The following TRMT11 variants were observed in gnomAD, a reference collection of about 807,000 sequenced individuals.
The protein encoded by TRMT11 is tRNA (guanine(10)-N(2))-methyltransferase TRMT11.
Under a neutral mutation model 62.8 loss-of-function variants are expected in TRMT11, and 53 were observed. That is an observed-to-expected ratio of 0.84 (90% confidence interval 0.68 to 1.06). The LOEUF (loss-of-function observed/expected upper bound fraction) is 1.06, where lower values mean the gene tolerates loss of function less well. TRMT11 is among the 50% of genes least tolerant of loss of function. The probability of loss-of-function intolerance (pLI) is 0.00; values close to 1 mark genes in which losing one functional copy is unlikely to be tolerated. For missense variants in TRMT11, 556 were observed against 553.4 expected (o/e 1.00, Z -0.05); for synonymous variants, 188 against 190.3 (o/e 0.99, Z 0.10).
chr6:125,986,635 C>T lies in TRMT11; in HGVS notation c.72+13C>T, dbSNP rs1450590280. On this transcript the variant is annotated intron_variant, in intron 1 of 12. Transcript: ENST00000334379. ...GTTCCGCCTGCCGGTGAGTCCGTAG[C>T]GCCCTCCGGAACTTCCGACGGAAGA... is the stretch of plus-strand genomic sequence containing the variant. The T allele has an allele frequency of 1.3e-6, 2 of 1,573,718 alleles. No homozygotes were observed. The highest frequency in any genetic ancestry group is 1.7e-6 in the Non-Finnish European group (2 of 1,161,012).
chr6:126,059,915 A>G (rs564918057), intron 17 of TRMT11, among the ~76,000 whole-genome samples: 1 of 152,310 alleles, frequency 6.6e-6, no homozygotes, highest in South Asian at 2.1e-4. Context: ...ATTCATTGGC[A>G]TGGAACTGCA....
downstream of TRMT11, among the ~76,000 whole-genome samples, chr6:126,202,611 C>T (rs1667058639): frequency 6.6e-6 from 1 of 152,002 alleles, no homozygotes. Context: ...CGCCTGATTT[C>T]TTTTAGTTTT....
At chr6:126,197,399 T>TA (rs1778678951) in intron 1 of TRMT11, among the ~76,000 whole-genome samples, 1 of 152,246 alleles carries the variant, frequency 6.6e-6, no homozygotes, top group South Asian at 2.1e-4. Context: ...TTCCATGTTT[T>TA]ATCCAGAGGC....
In TRMT11 at chr6:126,093,625, A is replaced by ATTTTTT. The variant is rs1483189635; in HGVS notation, c.*1438-19240_*1438-19239insTTTTTT. On this transcript the variant is annotated intron_variant and NMD_transcript_variant, in intron 17 of 22. Coordinates refer to the TRMT11 transcript ENST00000648977. ...TATATATATATATATATATATATAT[A>ATTTTTT]TATATATTTTCCCCCAGTCCTGGAG... 3.1e-4 allele frequency among the ~76,000 whole-genome samples: 32 copies of ATTTTTT among 103,516 alleles called. 3 individuals are homozygous for ATTTTTT. Among genetic ancestry groups the ATTTTTT allele is most frequent in the African/African-American group, 1.5e-3 (31 of 20,850 alleles). 67.9% of individuals were successfully genotyped at this position (103,516 alleles called of 152,430 possible).
intron 1 of TRMT11, among the ~76,000 whole-genome samples, chr6:126,182,090 G>T (rs1018598177): frequency 1.3e-5 from 2 of 152,110 alleles, no homozygotes; most frequent in Non-Finnish European, 2.9e-5. Flanking sequence ...TATAAAACAT[G>T]AAAGCTTTTA....
chr6:126,168,448 A>G (rs965724633), intron 21 of TRMT11, among the ~76,000 whole-genome samples: 7 of 152,224 alleles, frequency 4.6e-5, no homozygotes, highest in African/African-American at 1.4e-4. Flanking sequence ...AGTTTTTGCC[A>G]GCTGTATCCT....
chr6:126,266,429 T>A, the TRMT11 span, among the ~76,000 whole-genome samples: 9 of 152,192 alleles, frequency 5.9e-5, no homozygotes, highest in African/African-American at 1.2e-4. Context: ...ATGAAGCTAC[T>A]GGCAGCTTTT....
chr6:126,254,199 C>T, the TRMT11 span, among the ~76,000 whole-genome samples: 4 of 152,116 alleles, frequency 2.6e-5, no homozygotes, highest in Non-Finnish European at 5.9e-5. Context: ...GTGCTGTTGC[C>T]TTCACCTATT....
the TRMT11 span, among the ~76,000 whole-genome samples, chr6:126,271,318 G>A: frequency 1.4e-5 from 2 of 140,086 alleles, no homozygotes; most frequent in Non-Finnish European, 1.5e-5. Context: ...GAGCCAAAAT[G>A]GTGCCACTGC....
intron 16 of TRMT11, among the ~76,000 whole-genome samples, chr6:126,046,385 C>A (rs1377209277): frequency 6.6e-6 from 1 of 152,162 alleles, no homozygotes; most frequent in Non-Finnish European, 1.5e-5. Flanking sequence ...GGACCAAAAT[C>A]ATTGGAATTT....
the TRMT11 span, among the ~76,000 whole-genome samples, chr6:126,215,065 AT>A: frequency 1.5e-4 from 22 of 147,752 alleles, no homozygotes; most frequent in East Asian, 5.9e-4. Flanking sequence ...ATATAATTTC[AT>A]TTTTTTTTTG....
chr6:126,049,776 GT>G (rs1776159879), intron 16 of TRMT11, among the ~76,000 whole-genome samples: 1 of 152,204 alleles, frequency 6.6e-6, no homozygotes, highest in South Asian at 2.1e-4. Context: ...AGAAGATGTG[GT>G]GCTTAAGCCA....
At chr6:126,239,274 C>T in the TRMT11 span, among the ~76,000 whole-genome samples, 1 of 152,206 alleles carries the variant, frequency 6.6e-6, no homozygotes, top group East Asian at 1.9e-4. Context: ...TTATTTTGCT[C>T]GTTAGTTGAT....
At chr6:126,194,249 T>C (rs999663863) in intron 1 of TRMT11, among the ~76,000 whole-genome samples, 2 of 152,226 alleles carry the variant, frequency 1.3e-5, no homozygotes, top group East Asian at 3.8e-4. Flanking sequence ...AGATGGGGTA[T>C]TGAAGTCCCC....
intron 21 of TRMT11, among the ~76,000 whole-genome samples, chr6:126,132,023 T>C (rs1777790520): frequency 6.6e-6 from 1 of 152,038 alleles, no homozygotes; most frequent in African/African-American, 2.4e-5. Context: ...AGAGTGCCAA[T>C]GCATACCCAT....
At chr6:126,149,230 G>C (rs1778009521) in intron 21 of TRMT11, among the ~76,000 whole-genome samples, 7 of 152,188 alleles carry the variant, frequency 4.6e-5, no homozygotes, top group Admixed American at 4.6e-4. Context: ...CTAAGCAGTT[G>C]CAAATTCTGT....
At chr6:126,267,353 T>C in the TRMT11 span, among the ~76,000 whole-genome samples, 11,412 of 152,242 alleles carry the variant, frequency 0.075, 548 homozygotes, top group African/African-American at 0.13. Flanking sequence ...TTCATTTTCA[T>C]TTTAATCTTT....
rs536849472 is a variant in TRMT11, at chr6:125,998,787, C to T, written c.522+103C>T. On this transcript the variant is annotated intron_variant, in intron 6 of 12. Coordinates refer to ENST00000334379, the MANE Select transcript of TRMT11 (RefSeq NM_001031712.3). ...TAGAACTTTAAAGCAGCTGAAGAGT[C>T]AGAACTACTGAATGGATTAAAATTG... The T allele has an allele frequency of 5.7e-5, 62 of 1,078,368 alleles. 1 individual carries two copies. In the South Asian group the frequency reaches 9.8e-4, roughly 17 times the overall value. The allele number at this position is 1,078,368 out of a possible 1,614,324, so 66.8% of individuals were successfully genotyped here.
intron 12 of TRMT11, among the ~76,000 whole-genome samples, chr6:126,031,433 A>C (rs1774176232): frequency 1.3e-5 from 2 of 152,258 alleles, no homozygotes; most frequent in Admixed American, 1.3e-4. Flanking sequence ...CATCAGGAGA[A>C]ATGGCCACTC....
Sources: gnomAD v4.1 joint callset for allele counts (sites outside exome capture counted in the v4.1 genomes callset) on GRCh38, gnomAD v4.1.1 for gene constraint, MANE v1.5 for transcripts, NCBI Gene and HGNC (gene_info 2026-07-23, HGNC 2026-07-21) for gene names.